Variants in EFHD1 observed in about 807,000 individuals in gnomAD.
The protein encoded by EFHD1 is EF-hand domain-containing protein D1.
In EFHD1, 10 loss-of-function variants were observed where a neutral mutation model predicts 17.2. The observed-to-expected ratio is 0.58, with a 90% CI of 0.36 to 0.99. The LOEUF is 0.99. Among genes scored for constraint, EFHD1 ranks in the 50% least tolerant of loss-of-function variants. The pLI, the probability that EFHD1 is intolerant of heterozygous loss-of-function variation, is 0.01. For missense variants in EFHD1, 310 were observed against 327.5 expected (o/e 0.95, Z 0.41); for synonymous variants, 153 against 142.0 (o/e 1.08, Z -0.55).
intron 1 of EFHD1, among the ~76,000 whole-genome samples, chr2:232,614,446 T>C (rs1224100239): frequency 6.6e-6 from 1 of 152,120 alleles, no homozygotes; most frequent in Non-Finnish European, 1.5e-5. Context: ...ATGATCCACT[T>C]CCACTTAATG....
chr2:232,635,676 G>A (rs898526424), intron 1 of EFHD1, among the ~76,000 whole-genome samples: 3 of 152,140 alleles, frequency 2.0e-5, no homozygotes, highest in Non-Finnish European at 4.4e-5. Flanking sequence ...AGAATTAGCC[G>A]GGAGTGGTGG....
At chr2:232,634,103 G>A in intron 1 of EFHD1, 97 bp downstream of exon 1, 1 of 1,513,748 alleles carries the variant, frequency 6.6e-7, no homozygotes, top group Non-Finnish European at 8.8e-7. Flanking sequence ...GTGGGGAGGG[G>A]TCCCGGGGTG....
intron 2 of EFHD1, among the ~76,000 whole-genome samples, chr2:232,666,449 T>C (rs1694967308): frequency 6.6e-6 from 1 of 152,228 alleles, no homozygotes; most frequent in Admixed American, 6.5e-5. Flanking sequence ...GGGAGAGAGC[T>C]GTGGTGAGCT....
chr2:232,627,934 CAG>C (rs1694137880), intron 1 of EFHD1, among the ~76,000 whole-genome samples: 1 of 151,856 alleles, frequency 6.6e-6, no homozygotes, highest in Non-Finnish European at 1.5e-5. Flanking sequence ...GGTGTATTTC[CAG>C]AGTTGTAAAA....
chr2:232,615,743 A>C (rs562797781), intron 1 of EFHD1, among the ~76,000 whole-genome samples: 14 of 138,002 alleles, frequency 1.0e-4, no homozygotes, highest in Non-Finnish European at 1.7e-4. Flanking sequence ...GCTGGAGTGC[A>C]ATGGTGCAAT....
chr2:232,622,907 T>G (rs1694045597), intron 1 of EFHD1, among the ~76,000 whole-genome samples: 1 of 152,210 alleles, frequency 6.6e-6, no homozygotes, highest in Non-Finnish European at 1.5e-5. Flanking sequence ...AGTTTTATAT[T>G]GATTACATGT....
intron 1 of EFHD1, among the ~76,000 whole-genome samples, chr2:232,662,141 T>C (rs1360172838): frequency 6.6e-6 from 1 of 151,826 alleles, no homozygotes; most frequent in Non-Finnish European, 1.5e-5. Context: ...AAGCTGGGTT[T>C]GTTTCCTGGC....
intron 1 of EFHD1, among the ~76,000 whole-genome samples, chr2:232,651,872 A>C (rs2106204676): frequency 6.6e-6 from 1 of 152,284 alleles, no homozygotes; most frequent in East Asian, 1.9e-4. Flanking sequence ...TTTGTGAACT[A>C]TTTTGGAGGG....
chr2:232,633,533 T>C, upstream of EFHD1: 11 of 1,282,604 alleles, frequency 8.6e-6, no homozygotes, highest in Non-Finnish European at 1.1e-5. Flanking sequence ...AAGCCGCAGC[T>C]CCGCCCCGAC....
chr2:232,631,802 A>G (rs1038556812), upstream of EFHD1, among the ~76,000 whole-genome samples: 1 of 151,598 alleles, frequency 6.6e-6, no homozygotes, highest in Non-Finnish European at 1.5e-5. Flanking sequence ...AGGAGTTCAC[A>G]ACCAGCCTAG....
chr2:232,635,369 C>T (rs1694298788), intron 1 of EFHD1, among the ~76,000 whole-genome samples: 4 of 152,184 alleles, frequency 2.6e-5, no homozygotes. Context: ...TTCTTGTGGC[C>T]ACTCAGGCTT....
At chr2:232,632,359 C>T (rs1300614313), upstream of EFHD1, among the ~76,000 whole-genome samples, 1 of 152,144 alleles carries the variant, frequency 6.6e-6, no homozygotes, top group Non-Finnish European at 1.5e-5. Flanking sequence ...AAGGCTGGTC[C>T]CTGGGTCTCA....
Position 232,675,213 on chromosome 2 carries a change from A to T in EFHD1, c.585+2770A>T, listed in dbSNP as rs551522547. On this transcript the variant is annotated intron_variant, in intron 3 of 3. Transcript: ENST00000264059. The stretch of plus-strand genomic sequence containing the variant: ...AGAGAGAGAGAAAAGAAAGGAAGGA[A>T]GGAAGGAAGGAGAAAGAAAGAGAGA... Among the ~76,000 whole-genome samples, 3 of 150,322 alleles carry T rather than the reference A, an allele frequency of 2.0e-5. No individual in the cohort carries two copies. In the East Asian group the frequency reaches 6.0e-4, roughly 30 times the overall value.
At position 232,653,538 on chromosome 2, in the gene EFHD1, C is replaced by T. The variant is rs571522859; in HGVS notation, c.303-9264C>T. ...CTCCTGACCTCAAGTGATCCGCCCA[C>T]CTCGGCCTCCCAAAGTGCTGGGATT... On this transcript the variant is annotated intron_variant, in intron 1 of 3. Transcript: ENST00000264059. 1.2e-4 allele frequency among the ~76,000 whole-genome samples: 19 copies of T among 152,364 alleles called. No individual in the cohort carries two copies. In the South Asian group the frequency reaches 3.7e-3, roughly 30 times the overall value.
chr2:232,615,078 C>G (rs1337923505), intron 1 of EFHD1, among the ~76,000 whole-genome samples: 1 of 152,096 alleles, frequency 6.6e-6, no homozygotes, highest in Non-Finnish European at 1.5e-5. Context: ...CAGTCTCCAC[C>G]TCCTGGGCTC....
chr2:232,654,209 A>G (rs1215295528), intron 1 of EFHD1, among the ~76,000 whole-genome samples: 3 of 149,456 alleles, frequency 2.0e-5, no homozygotes, highest in African/African-American at 7.3e-5. Flanking sequence ...TCCATCTCAA[A>G]AAAAAAAAAA....
intron 1 of EFHD1, among the ~76,000 whole-genome samples, chr2:232,623,728 G>GA (rs972442120): frequency 2.2e-5 from 3 of 136,742 alleles, no homozygotes; most frequent in African/African-American, 8.1e-5. Context: ...AAGAAAGAAA[G>GA]AAAAAAAAGA....
chr2:232,643,554 T>C (rs1694471966), intron 1 of EFHD1, among the ~76,000 whole-genome samples: 1 of 151,234 alleles, frequency 6.6e-6, no homozygotes, highest in Non-Finnish European at 1.5e-5. Context: ...CTGGCTAATT[T>C]TTTTTTTTTT....
At chr2:232,642,773 C>G (rs1314455817) in intron 1 of EFHD1, among the ~76,000 whole-genome samples, 1 of 151,684 alleles carries the variant, frequency 6.6e-6, no homozygotes, top group Non-Finnish European at 1.5e-5. Context: ...AGGGTCACCT[C>G]CAGCTGTTCC....
Sources: gnomAD v4.1 joint callset for allele counts (sites outside exome capture counted in the v4.1 genomes callset) on GRCh38, gnomAD v4.1.1 for gene constraint, MANE v1.5 for transcripts, NCBI Gene and HGNC (gene_info 2026-07-23, HGNC 2026-07-21) for gene names.